NELL1: variants seen among roughly 807,000 people sequenced by gnomAD.
The protein encoded by NELL1 is protein kinase C-binding protein NELL1.
In NELL1, 76 loss-of-function variants were observed where a neutral mutation model predicts 107.4. That is an observed-to-expected ratio of 0.71 (90% confidence interval 0.59 to 0.86). NELL1 has a LOEUF of 0.86. Among genes scored for constraint, NELL1 ranks in the 40% least tolerant of loss-of-function variants. NELL1 has a pLI of 0.00. For synonymous variants in NELL1, 353 were observed against 341.2 expected, an observed-to-expected ratio of 1.03 and a Z score of -0.38; for missense variants, 1,024 against 1,005.5, an observed-to-expected ratio of 1.02 and a Z score of -0.25.
intron 2 of NELL1, among the ~76,000 whole-genome samples, chr11:20,701,950 C>T (rs1393535562): frequency 6.6e-6 from 1 of 152,154 alleles, no homozygotes; most frequent in Non-Finnish European, 1.5e-5. Context: ...CATGATGCCT[C>T]CAGTTTTGTT....
chr11:21,102,963 A>G (rs760640030), intron 12 of NELL1, among the ~76,000 whole-genome samples: 1 of 152,206 alleles, frequency 6.6e-6, no homozygotes, highest in Non-Finnish European at 1.5e-5. Flanking sequence ...GGAATTGGGA[A>G]TAAGGTTGAT....
At chr11:21,337,824 C>CTTTCTTTCTTTCT (rs201543831) in intron 14 of NELL1, among the ~76,000 whole-genome samples, 1,153 of 41,942 alleles carry the variant, frequency 0.027, 24 homozygotes, top group Non-Finnish European at 0.041. Context: ...TTCCTTCTTT[C>CTTTCTTTCTTTCT]TTTCTTTCTT....
In NELL1 at chr11:21,030,106, T is replaced by C. The variant is rs538569847; in HGVS notation, c.1300+69546T>C. 1.1e-4 allele frequency among the ~76,000 whole-genome samples: 16 copies of C among 152,280 alleles called. No homozygotes were observed. The South Asian group carries it at 3.3e-3, about 32-fold the overall frequency. On this transcript the variant is annotated intron_variant, in intron 12 of 19. Coordinates refer to ENST00000357134, the MANE Select transcript of NELL1 (RefSeq NM_006157.5). ...AGTGACAGCCTGTAGTATTGGATGTTAGCTTGTGAATTGAACTTTAAAATT... is the reference window on the plus strand; with the variant it reads ...AGTGACAGCCTGTAGTATTGGATGTCAGCTTGTGAATTGAACTTTAAAATT...
intron 14 of NELL1, among the ~76,000 whole-genome samples, chr11:21,252,089 A>G (rs1412053582): frequency 6.6e-6 from 1 of 152,136 alleles, no homozygotes; most frequent in East Asian, 1.9e-4. Context: ...CTAAATCTCC[A>G]AAGGACATTC....
At chr11:21,373,995 C>T (rs1005882948) in intron 15 of NELL1, among the ~76,000 whole-genome samples, 1 of 151,952 alleles carries the variant, frequency 6.6e-6, no homozygotes, top group African/African-American at 2.4e-5. Context: ...GAATGCCACA[C>T]GGATGTAATG....
intron 13 of NELL1, among the ~76,000 whole-genome samples, chr11:21,209,628 C>T (rs984412950): frequency 1.3e-5 from 2 of 151,524 alleles, no homozygotes; most frequent in Non-Finnish European, 1.5e-5. Context: ...TAAGTTTTAC[C>T]CCATTAAAGT....
intron 2 of NELL1, among the ~76,000 whole-genome samples, chr11:20,706,526 G>C (rs1415709732): frequency 8.3e-5 from 12 of 144,012 alleles, no homozygotes; most frequent in African/African-American, 2.8e-4. Flanking sequence ...TGTGGGGTTG[G>C]GGGGGAGGGG....
chr11:20,908,252 C>T (rs553108124), intron 5 of NELL1, among the ~76,000 whole-genome samples: 24 of 152,262 alleles, frequency 1.6e-4, no homozygotes, highest in African/African-American at 5.5e-4. Flanking sequence ...CACATGCACA[C>T]GTATGTTTAT....
intron 3 of NELL1, among the ~76,000 whole-genome samples, chr11:20,790,913 G>A (rs1857061761): frequency 2.0e-5 from 3 of 152,198 alleles, no homozygotes; most frequent in Admixed American, 1.3e-4. Context: ...ACAGCCTGCC[G>A]CTACTATCAT....
intron 14 of NELL1, among the ~76,000 whole-genome samples, chr11:21,231,874 G>T (rs180799223): frequency 6.6e-6 from 1 of 152,218 alleles, no homozygotes; most frequent in Admixed American, 6.5e-5. Flanking sequence ...TATAAATGCT[G>T]CATGGGAAAG....
intron 14 of NELL1, among the ~76,000 whole-genome samples, chr11:21,330,979 C>T (rs948046672): frequency 1.3e-5 from 2 of 152,004 alleles, no homozygotes; most frequent in Non-Finnish European, 2.9e-5. Flanking sequence ...TTCTTCTACC[C>T]ACTCAAATCA....
At chr11:21,395,889 A>T (rs1464078867) in intron 15 of NELL1, among the ~76,000 whole-genome samples, 4 of 151,568 alleles carry the variant, frequency 2.6e-5, no homozygotes, top group Non-Finnish European at 5.9e-5. Context: ...GAATTTATTG[A>T]TTAGAAAAAT....
chr11:21,029,745 G>A (rs1852906802), intron 12 of NELL1, among the ~76,000 whole-genome samples: 2 of 152,130 alleles, frequency 1.3e-5, no homozygotes, highest in Non-Finnish European at 2.9e-5. Context: ...GTTGAATAAA[G>A]GGCATGGAAG....
chr11:20,861,627 A>G (rs12292934), intron 4 of NELL1, among the ~76,000 whole-genome samples: 31,524 of 152,160 alleles, frequency 0.21, 4,438 homozygotes, highest in African/African-American at 0.39. Flanking sequence ...GAGTAACAAG[A>G]TTGAACTGGG....
chr11:21,566,097 A>ATTC (rs1168609785), intron 17 of NELL1, among the ~76,000 whole-genome samples: 1 of 151,968 alleles, frequency 6.6e-6, no homozygotes, highest in Non-Finnish European at 1.5e-5. Context: ...CAGTGTGAAA[A>ATTC]AGACCCACAG....
chr11:21,276,920 T>G (rs10833488), intron 14 of NELL1, among the ~76,000 whole-genome samples: 1 of 140,678 alleles, frequency 7.1e-6, no homozygotes, highest in East Asian at 2.0e-4. Context: ...AAGACTTAAA[T>G]GTTAGACCTA....
At chr11:21,487,477 A>AAAC (rs56140082) in intron 15 of NELL1, among the ~76,000 whole-genome samples, 133,567 of 151,876 alleles carry the variant, frequency 0.88, 58,788 homozygotes, top group East Asian at 0.98. Context: ...GGAAGCAAAA[A>AAAC]AACATTTACC....
chr11:20,679,565 G>A (rs1206210966), intron 2 of NELL1, among the ~76,000 whole-genome samples: 1 of 152,186 alleles, frequency 6.6e-6, no homozygotes, highest in Non-Finnish European at 1.5e-5. Context: ...AATTGGTGAA[G>A]TATGTAAGCT....
chr11:20,932,718 G>A (rs149349749), intron 9 of NELL1, among the ~76,000 whole-genome samples: 169 of 152,340 alleles, frequency 1.1e-3, no homozygotes, highest in African/African-American at 3.9e-3. Flanking sequence ...AGGTCTCCCA[G>A]TTTTGGGGGA....
Sources: allele counts gnomAD v4.1 joint callset (sites outside exome capture counted in the v4.1 genomes callset), GRCh38; gene constraint gnomAD v4.1.1; transcripts MANE v1.5; gene names NCBI Gene and HGNC (gene_info 2026-07-23, HGNC 2026-07-21).